The following TRIM67 variants were observed in gnomAD, a reference collection of about 807,000 sequenced individuals.
TRIM67 encodes the protein tripartite motif containing 67, also known as tripartite motif-containing protein 67.
In TRIM67, 39 loss-of-function variants were observed where a neutral mutation model predicts 71.0. The observed-to-expected ratio is 0.55, with a 90% CI of 0.43 to 0.72. The LOEUF (loss-of-function observed/expected upper bound fraction) is 0.72, where lower values mean the gene tolerates loss of function less well. Ranked by LOEUF, TRIM67 falls within the 30% of genes least tolerant of loss-of-function variation. TRIM67 has a pLI of 0.00. For missense variants in TRIM67, 973 were observed against 1,079.2 expected, an observed-to-expected ratio of 0.90 and a Z score of 1.38; for synonymous variants, 481 against 473.9, an observed-to-expected ratio of 1.01 and a Z score of -0.19.
chr1:231,194,859 T>A (rs969233471), intron 1 of TRIM67, among the ~76,000 whole-genome samples: 1 of 152,028 alleles, frequency 6.6e-6, no homozygotes, highest in African/African-American at 2.4e-5. Flanking sequence ...ATTTTTAAAA[T>A]TTTTTTATAG....
intron 1 of TRIM67, among the ~76,000 whole-genome samples, chr1:231,172,302 A>T (rs1220579812): frequency 6.6e-6 from 1 of 152,224 alleles, no homozygotes; most frequent in African/African-American, 2.4e-5. Flanking sequence ...GATGGAGCAC[A>T]ACCTCTCATT....
rs140996264 is a variant in TRIM67, at chr1:231,215,088, G to A, written c.2287-287G>A. Among the ~76,000 whole-genome samples the A allele has an allele frequency of 6.9e-4, 105 of 152,354 alleles. 1 individual carries two copies. The East Asian group carries it at 0.015, about 22-fold the overall frequency. Reference sequence around the variant, plus strand: ...CCACGGGAGCCAGTGCGTGAGAGCCGTGCTCCTGTGATGGCGTCTACTTTG... The same window carrying A: ...CCACGGGAGCCAGTGCGTGAGAGCCATGCTCCTGTGATGGCGTCTACTTTG... On this transcript the variant is annotated intron_variant, in intron 9 of 9. Coordinates refer to ENST00000366653, the MANE Select transcript of TRIM67 (RefSeq NM_001004342.5).
In TRIM67 at chr1:231,218,745, C is replaced by G. The variant is rs1684074230; in HGVS notation, c.*3305C>G. The G allele has an allele frequency of 2.0e-6, 2 of 985,470 alleles. No homozygotes were observed. The highest frequency in any genetic ancestry group is 2.4e-6 in the Non-Finnish European group (2 of 829,958). 61.0% of individuals were successfully genotyped at this position (985,470 alleles called of 1,614,324 possible). A position where few individuals can be genotyped will look rare whatever the true frequency, so the allele number is the denominator to read the frequency against. ...TGTACTTTGTAGTTGCAACAGCGCC[C>G]TAGGTGCCCTATGGCCCACCAAGTT... On this transcript the variant is annotated 3_prime_UTR_variant, in exon 10 of 10. Coordinates refer to ENST00000366653, the MANE Select transcript of TRIM67 (RefSeq NM_001004342.5).
At position 231,215,817 on chromosome 1, in the gene TRIM67, C is replaced by G; in HGVS notation, c.*377C>G. On this transcript the variant is annotated 3_prime_UTR_variant, in exon 10 of 10. Coordinates refer to ENST00000366653, the MANE Select transcript of TRIM67 (RefSeq NM_001004342.5). ...AGAGGAAGGTAGACTTTGAGACTGG[C>G]CTCCTGAGAGCGGCAGTCAGGAGCT... The G allele has an allele frequency of 9.7e-7, 1 of 1,029,516 alleles. No homozygotes were observed. The highest frequency in any genetic ancestry group is 1.2e-6 in the Non-Finnish European group (1 of 859,218). The allele number at this position is 1,029,516 out of a possible 1,614,324, so 63.8% of individuals were successfully genotyped here.
At chr1:231,179,067 A>T (rs1682832180) in intron 1 of TRIM67, among the ~76,000 whole-genome samples, 1 of 152,252 alleles carries the variant, frequency 6.6e-6, no homozygotes, top group Non-Finnish European at 1.5e-5. Flanking sequence ...GGCTTCCATC[A>T]CAAATTACCA....
At chr1:231,183,289 G>T (rs1345446117) in intron 1 of TRIM67, among the ~76,000 whole-genome samples, 3 of 152,078 alleles carry the variant, frequency 2.0e-5, no homozygotes, top group African/African-American at 7.2e-5. Context: ...TGGCTAACTT[G>T]AATCAAAAGG....
intron 1 of TRIM67, chr1:231,185,107 GCT>G: frequency 6.5e-7 from 1 of 1,532,910 alleles, no homozygotes; most frequent in Non-Finnish European, 8.7e-7. Flanking sequence ...CCATCTGCTG[GCT>G]CCTAAATCCG....
intron 1 of TRIM67, among the ~76,000 whole-genome samples, chr1:231,188,886 T>C (rs1438179399): frequency 1.3e-5 from 2 of 152,216 alleles, no homozygotes; most frequent in East Asian, 3.8e-4. Flanking sequence ...GTCCAGGTTG[T>C]GACTGGGTTC....
intron 8 of TRIM67, among the ~76,000 whole-genome samples, chr1:231,210,006 A>G (rs759167901): frequency 6.6e-6 from 1 of 151,904 alleles, no homozygotes; most frequent in Non-Finnish European, 1.5e-5. Context: ...GTGCCCCCCC[A>G]ACACCCCTGC....
Position 231,163,431 on chromosome 1 carries a change from G to T in TRIM67, c.462G>T (p.Ser154=). The part of the protein sequence containing the change: ...GAACSSLSSS[S]SSITCPQCHR... ...CCTGCTCCTCGCTGTCCTCGTCTTCGAGCTCCATCACGTGCCCGCAGTGCC... is the reference window on the plus strand; with the variant it reads ...CCTGCTCCTCGCTGTCCTCGTCTTCTAGCTCCATCACGTGCCCGCAGTGCC... The change falls in exon 1 of 10, where the codon TCG becomes TCT. Residue 154 remains serine (S), a synonymous_variant. Transcript: ENST00000366653. 2 of 1,539,598 alleles carry T rather than the reference G, an allele frequency of 1.3e-6. No individual in the cohort carries two copies. The highest frequency in any genetic ancestry group is 1.2e-5 in the South Asian group (1 of 83,024).
rs142618113 is a variant in TRIM67, at chr1:231,201,622, T to A, written c.1534+105T>A. The A allele has an allele frequency of 8.6e-4, 1,185 of 1,379,106 alleles. 7 individuals are homozygous for A. In the African/African-American group the frequency reaches 0.016, roughly 18 times the overall value. The allele number at this position is 1,379,106 out of a possible 1,614,324, so 85.4% of individuals were successfully genotyped here. On this transcript the variant is annotated intron_variant, in intron 5 of 9. Transcript: ENST00000366653. ...AGGGAGACCTGTGATGCACGGAGTG[T>A]GGCAGGGTGGGAGAGCAGGAGCGCC...
At chr1:231,195,086 G>A (rs1683332556) in intron 1 of TRIM67, among the ~76,000 whole-genome samples, 1 of 152,146 alleles carries the variant, frequency 6.6e-6, no homozygotes, top group African/African-American at 2.4e-5. Flanking sequence ...AACAGTTTGA[G>A]GAACTCACAG....
chr1:231,199,253 G>A, intron 3 of TRIM67, 84 bp downstream of exon 3: 2 of 1,298,830 alleles, frequency 1.5e-6, no homozygotes, highest in Admixed American at 1.7e-5. Flanking sequence ...TAGGCACTGG[G>A]GAAATAACAG....
intron 1 of TRIM67, among the ~76,000 whole-genome samples, chr1:231,191,345 G>A (rs1437320488): frequency 2.0e-5 from 3 of 152,160 alleles, no homozygotes; most frequent in South Asian, 2.1e-4. Context: ...GTTTACAGGC[G>A]TGAGCCACCG....
chr1:231,198,709 T>TAC lies in TRIM67; in HGVS notation c.1141-324_1141-323dup, dbSNP rs751832089. 3.8e-4 allele frequency among the ~76,000 whole-genome samples: 57 copies of TAC among 151,470 alleles called. No individual in the cohort carries two copies. In the Middle Eastern group the frequency reaches 0.014, roughly 36 times the overall value. On this transcript the variant is annotated intron_variant, in intron 2 of 9. Transcript: ENST00000366653. The stretch of plus-strand genomic sequence containing the variant: ...CCTGTTCTATTACTTTAAACACACA[T>TAC]ACACACACACACACAATGTATGAGA...
At chr1:231,186,103 G>A (rs1356591401) in intron 1 of TRIM67, 26 of 1,533,038 alleles carry the variant, frequency 1.7e-5, no homozygotes, top group South Asian at 1.3e-4. Flanking sequence ...GCTGGCAGTC[G>A]CTTGCTGAAT....
At chr1:231,178,428 C>G (rs545287324) in intron 1 of TRIM67, among the ~76,000 whole-genome samples, 4 of 152,208 alleles carry the variant, frequency 2.6e-5, no homozygotes, top group Non-Finnish European at 5.9e-5. Flanking sequence ...ACCACATGTG[C>G]GTGTTCAATA....
intron 1 of TRIM67, among the ~76,000 whole-genome samples, chr1:231,164,498 G>C (rs1682397401): frequency 6.6e-6 from 1 of 152,196 alleles, no homozygotes; most frequent in Non-Finnish European, 1.5e-5. Flanking sequence ...CAGACCCCAA[G>C]TCAAGACTAG....
In TRIM67 at chr1:231,201,388, G is replaced by A. The variant is rs765313029; in HGVS notation, c.1405G>A (p.Val469Met). ...ISDALIKRVQ[V>M]SQEQWVKGAL... The stretch of plus-strand genomic sequence containing the variant: ...AGATGCTCTGATCAAGCGCGTCCAG[G>A]TGTCTCAGGAGCAGTGGGTCAAAGG... Residue 469 changes from valine (V) to methionine (M), a missense_variant, in exon 5 of 10, where the codon GTG becomes ATG. Physicochemically the swap from Val to Met is conservative, Grantham distance 21 (BLOSUM62 1). Coordinates refer to ENST00000366653, the MANE Select transcript of TRIM67 (RefSeq NM_001004342.5). 3.1e-6 allele frequency: 5 copies of A among 1,613,360 alleles called. No homozygotes were observed. In the East Asian group the frequency reaches 1.1e-4, roughly 36 times the overall value.
Sources: gnomAD v4.1 joint callset for allele counts (sites outside exome capture counted in the v4.1 genomes callset) on GRCh38, gnomAD v4.1.1 for gene constraint, MANE v1.5 for transcripts, NCBI Gene and HGNC (gene_info 2026-07-23, HGNC 2026-07-21) for gene names.